The following SLF1 variants were observed in gnomAD, a reference collection of about 807,000 sequenced individuals.
The protein encoded by SLF1 is SMC5/6 complex localization factor 1, also known as SMC5-SMC6 complex localization factor protein 1.
Under a neutral mutation model 123.0 loss-of-function variants are expected in SLF1, and 105 were observed. The ratio of observed to expected loss-of-function variants is 0.85; its 90% CI spans 0.73 to 1.00. The LOEUF is 1.00. Ranked by LOEUF, SLF1 falls within the 50% of genes least tolerant of loss-of-function variation. The pLI is 0.00. For missense variants in SLF1, 1,239 were observed against 1,223.0 expected (o/e 1.01, Z -0.20); for synonymous variants, 434 against 406.6 (o/e 1.07, Z -0.81).
chr5:94,623,213 A>G (rs1420911288), intron 1 of SLF1, among the ~76,000 whole-genome samples: 1 of 152,120 alleles, frequency 6.6e-6, no homozygotes, highest in Non-Finnish European at 1.5e-5. Context: ...AGGCATCAAG[A>G]ATAGGCCCAT....
intron 12 of SLF1, among the ~76,000 whole-genome samples, chr5:94,666,522 T>C (rs1311848920): frequency 6.6e-6 from 1 of 152,240 alleles, no homozygotes. Context: ...CCTTCCTCTG[T>C]CTTTCAGTTG....
chr5:94,656,104 A>C (rs957248378), intron 9 of SLF1, among the ~76,000 whole-genome samples: 1 of 151,992 alleles, frequency 6.6e-6, no homozygotes, highest in Non-Finnish European at 1.5e-5. Flanking sequence ...GACCTTTGTT[A>C]TGTTGAAGTA....
chr5:94,667,615 C>A (rs916733951), intron 12 of SLF1, among the ~76,000 whole-genome samples: 1 of 152,184 alleles, frequency 6.6e-6, no homozygotes, highest in Non-Finnish European at 1.5e-5. Flanking sequence ...ATACGTAAGA[C>A]CCTTCATGAG....
At chr5:94,675,119 TA>T (rs1750898352) in intron 14 of SLF1, among the ~76,000 whole-genome samples, 2 of 152,220 alleles carry the variant, frequency 1.3e-5, no homozygotes, top group Non-Finnish European at 2.9e-5. Context: ...TACAGTGGGA[TA>T]TCATGGAAAT....
chr5:94,660,317 G>T (rs190614361), intron 9 of SLF1, among the ~76,000 whole-genome samples: 1 of 152,310 alleles, frequency 6.6e-6, no homozygotes, highest in East Asian at 1.9e-4. Flanking sequence ...AATGAGGCAG[G>T]TCTGTTCACA....
intron 12 of SLF1, among the ~76,000 whole-genome samples, chr5:94,669,061 C>A (rs1355125370): frequency 6.6e-6 from 1 of 152,092 alleles, no homozygotes; most frequent in Non-Finnish European, 1.5e-5. Flanking sequence ...GACTTTTAAA[C>A]AAAAATACCC....
intron 6 of SLF1, 37 bp from the exon 7 acceptor site, chr5:94,651,665 C>A (rs1747741264): frequency 1.4e-6 from 2 of 1,455,426 alleles, no homozygotes; most frequent in South Asian, 2.9e-5. Flanking sequence ...TATATTTAAT[C>A]CACAGTCTTA....
intron 4 of SLF1, among the ~76,000 whole-genome samples, chr5:94,642,739 A>G (rs1746584092): frequency 6.6e-6 from 1 of 152,114 alleles, no homozygotes; most frequent in African/African-American, 2.4e-5. Flanking sequence ...GTCTAAATGT[A>G]AAATGTATTT....
chr5:94,660,521 G>C (rs1748973966), intron 9 of SLF1, among the ~76,000 whole-genome samples: 1 of 152,160 alleles, frequency 6.6e-6, no homozygotes, highest in Non-Finnish European at 1.5e-5. Flanking sequence ...CAGGCCCCCC[G>C]ATAGCTCCTG....
In SLF1 at chr5:94,658,162, G is replaced by GTTT. The variant is rs202152246; in HGVS notation, c.1155+3421_1155+3423dup. Among the ~76,000 whole-genome samples the GTTT allele has an allele frequency of 9.4e-4, 119 of 126,668 alleles. 1 individual carries two copies. In the East Asian group the frequency reaches 0.014, roughly 15 times the overall value. 83.1% of individuals were successfully genotyped at this position (126,668 alleles called of 152,430 possible). The stretch of plus-strand genomic sequence containing the variant: ...TTGTCATTGCAGTTGGGTGTTTTTT[G>GTTT]TTTTTTTTTTTTTAGTATTGGTGAC... On this transcript the variant is annotated intron_variant, in intron 9 of 20. Coordinates refer to ENST00000265140, the MANE Select transcript of SLF1 (RefSeq NM_032290.4).
At chr5:94,688,728 G>A (rs1752733814) in intron 17 of SLF1, 59 bp downstream of exon 17, 2 of 1,566,502 alleles carry the variant, frequency 1.3e-6, no homozygotes, top group Middle Eastern at 1.7e-4. Context: ...TTTCTCTGAT[G>A]CATTTCTTGA....
intron 4 of SLF1, among the ~76,000 whole-genome samples, chr5:94,637,837 C>T (rs149384846): frequency 6.6e-6 from 1 of 152,218 alleles, no homozygotes; most frequent in Non-Finnish European, 1.5e-5. Flanking sequence ...GGTCCTTTCC[C>T]ATCCTAAGAA....
chr5:94,652,198 A>T (rs531435014), intron 7 of SLF1, among the ~76,000 whole-genome samples: 1 of 152,068 alleles, frequency 6.6e-6, no homozygotes, highest in East Asian at 1.9e-4. Flanking sequence ...TTCAGTAGAG[A>T]CTGGGTTTCA....
At chr5:94,658,855 GT>G (rs1474195758) in intron 9 of SLF1, among the ~76,000 whole-genome samples, 7 of 151,428 alleles carry the variant, frequency 4.6e-5, no homozygotes, top group Non-Finnish European at 1.0e-4. Flanking sequence ...CTGTCTTCAT[GT>G]TTAGAAATAG....
At chr5:94,643,054 G>T (rs1291639885) in intron 4 of SLF1, among the ~76,000 whole-genome samples, 1 of 152,046 alleles carries the variant, frequency 6.6e-6, no homozygotes, top group Non-Finnish European at 1.5e-5. Flanking sequence ...TCAAGAAATG[G>T]ATAGGTAGAA....
intron 4 of SLF1, among the ~76,000 whole-genome samples, chr5:94,633,043 T>G (rs1012443795): frequency 6.6e-6 from 1 of 151,892 alleles, no homozygotes; most frequent in Non-Finnish European, 1.5e-5. Context: ...CCGGCTGGAG[T>G]GCAGTGGCGT....
Position 94,687,353 on chromosome 5 carries a change from C to G in SLF1, c.2121+635C>G, listed in dbSNP as rs537603455. Among the ~76,000 whole-genome samples, 19 of 152,260 alleles carry G rather than the reference C, an allele frequency of 1.2e-4. No homozygotes were observed. The South Asian group carries it at 3.5e-3, about 28-fold the overall frequency. On this transcript the variant is annotated intron_variant, in intron 16 of 20. Transcript: ENST00000265140. The stretch of plus-strand genomic sequence containing the variant: ...AGCCACTGCATTCCATCCTGGACAA[C>G]ATAGTGAGACCCCTTCTCCAGGGGC...
intron 16 of SLF1, among the ~76,000 whole-genome samples, chr5:94,687,487 A>G (rs996540945): frequency 2.6e-5 from 4 of 152,298 alleles, no homozygotes; most frequent in African/African-American, 7.2e-5. Flanking sequence ...CCTTGAGCCC[A>G]GGAGTTCGAG....
At chr5:94,687,868 T>C (rs970272170) in intron 16 of SLF1, among the ~76,000 whole-genome samples, 4 of 152,024 alleles carry the variant, frequency 2.6e-5, no homozygotes, top group African/African-American at 9.7e-5. Context: ...AAATTCTAAA[T>C]GGTATTTAAA....
Sources: allele counts gnomAD v4.1 joint callset (sites outside exome capture counted in the v4.1 genomes callset), GRCh38; gene constraint gnomAD v4.1.1; transcripts MANE v1.5; gene names NCBI Gene and HGNC (gene_info 2026-07-23, HGNC 2026-07-21).